Variants in SRRM3 observed in about 807,000 individuals in gnomAD.
SRRM3 encodes serine/arginine repetitive matrix 3.
A neutral mutation model predicts 66.2 loss-of-function variants in SRRM3; 27 were observed. The ratio of observed to expected loss-of-function variants is 0.41; its 90% CI spans 0.30 to 0.56. The LOEUF is 0.56. Among genes scored for constraint, SRRM3 ranks in the 20% least tolerant of loss-of-function variants. The pLI is 0.32. For missense variants in SRRM3, 918 were observed against 991.9 expected, an observed-to-expected ratio of 0.93 and a Z score of 1.00; for synonymous variants, 391 against 414.9, an observed-to-expected ratio of 0.94 and a Z score of 0.70.
chr7:76,204,698 C>T (rs921734293), intron 1 of SRRM3, among the ~76,000 whole-genome samples: 1 of 152,184 alleles, frequency 6.6e-6, no homozygotes, highest in Non-Finnish European at 1.5e-5. Flanking sequence ...CTTTCTGGCC[C>T]TATCTCTGAT....
chr7:76,234,792 T>A (rs1554604592), intron 1 of SRRM3, among the ~76,000 whole-genome samples: 1 of 152,080 alleles, frequency 6.6e-6, no homozygotes, highest in Non-Finnish European at 1.5e-5. Flanking sequence ...GGCCATCCAG[T>A]CTGGCCTGCA....
chr7:76,216,686 G>A (rs1269323190), intron 1 of SRRM3, among the ~76,000 whole-genome samples: 1 of 152,234 alleles, frequency 6.6e-6, no homozygotes, highest in Middle Eastern at 3.2e-3. Context: ...GGGGAGGAGA[G>A]GTTCCCAGGT....
chr7:76,265,299 TG>T, intron 9 of SRRM3, 64 bp from the exon 10 acceptor site: 1 of 1,264,430 alleles, frequency 7.9e-7, no homozygotes, highest in Non-Finnish European at 1.1e-6. Flanking sequence ...CTGGGCAACT[TG>T]GGGGCTGGGG....
intron 5 of SRRM3, 81 bp downstream of exon 5, chr7:76,260,278 A>C (rs1358562404): frequency 4.1e-5 from 45 of 1,086,986 alleles, no homozygotes; most frequent in Non-Finnish European, 5.3e-5. Context: ...GCTCACAACC[A>C]TGCAGCATTT....
At position 76,212,829 on chromosome 7, in the gene SRRM3, C is replaced by T. The variant is rs1028549575; in HGVS notation, c.-40+10762C>T. Among the ~76,000 whole-genome samples, 4 of 152,064 alleles carry T rather than the reference C, an allele frequency of 2.6e-5. No homozygotes were observed. The South Asian group carries it at 6.2e-4, about 24-fold the overall frequency. On this transcript the variant is annotated intron_variant, in intron 1 of 14. Transcript: ENST00000611745. ...TACACACTAGAGTTGAGAACCGGTG[C>T]CTCATCACTTTGCACATGTGGTTCC...
intron 1 of SRRM3, among the ~76,000 whole-genome samples, chr7:76,228,903 T>A (rs1447435903): frequency 6.9e-6 from 1 of 144,698 alleles, no homozygotes; most frequent in Admixed American, 6.8e-5. Context: ...CCCAGAGACT[T>A]TTTTTTTTTT....
chr7:76,219,911 AAAAC>A (rs376343762), intron 1 of SRRM3, among the ~76,000 whole-genome samples: 132 of 152,222 alleles, frequency 8.7e-4, no homozygotes, highest in African/African-American at 2.4e-3. Flanking sequence ...TACTGTCTCA[AAAAC>A]AAACAAACAA....
At chr7:76,229,977 C>T (rs1196871116) in intron 1 of SRRM3, among the ~76,000 whole-genome samples, 2 of 152,044 alleles carry the variant, frequency 1.3e-5, no homozygotes, top group African/African-American at 4.8e-5. Flanking sequence ...CTCCTGACCT[C>T]ATGATCTGCC....
Position 76,204,551 on chromosome 7 carries a change from C to T in SRRM3, c.-40+2484C>T, listed in dbSNP as rs1293610480. Among the ~76,000 whole-genome samples, 7 of 152,322 alleles carry T rather than the reference C, an allele frequency of 4.6e-5. No homozygotes were observed. The East Asian group carries it at 1.2e-3, about 25-fold the overall frequency. ...CAGGACCCCAGGATGACTTCCACAA[C>T]ACCACTCTGCCCCCGATTCTCCAGG... On this transcript the variant is annotated intron_variant, in intron 1 of 14. Coordinates refer to ENST00000611745, the MANE Select transcript of SRRM3 (RefSeq NM_001110199.3).
At chr7:76,260,091 C>T in intron 4 of SRRM3, 26 bp from the exon 5 acceptor site, 2 of 1,288,132 alleles carry the variant, frequency 1.6e-6, no homozygotes, top group Non-Finnish European at 2.0e-6. Context: ...CCCTCACCGC[C>T]CCCACCCCCG....
chr7:76,282,525 A>C, intron 12 of SRRM3, 123 bp from the exon 13 acceptor site: 2 of 513,928 alleles, frequency 3.9e-6, no homozygotes, highest in Non-Finnish European at 6.3e-6. Flanking sequence ...ACTCCGCGCG[A>C]ACTGACCACA....
intron 1 of SRRM3, among the ~76,000 whole-genome samples, chr7:76,231,535 G>A (rs1478944797): frequency 3.3e-5 from 5 of 152,242 alleles, no homozygotes; most frequent in African/African-American, 7.2e-5. Context: ...AAGATGTGCG[G>A]AACAGCATGG....
chr7:76,261,633 C>A, intron 8 of SRRM3, 52 bp downstream of exon 8: 1 of 1,574,724 alleles, frequency 6.4e-7, no homozygotes, highest in Admixed American at 1.8e-5. Context: ...AGGACCAAAG[C>A]CCAAAGGACG....
At chr7:76,211,806 A>G (rs924766413) in intron 1 of SRRM3, among the ~76,000 whole-genome samples, 9 of 140,252 alleles carry the variant, frequency 6.4e-5, no homozygotes, top group African/African-American at 2.5e-4. Context: ...TATTATTATT[A>G]CTATTACTAC....
chr7:76,254,402 T>C (rs903952944), intron 3 of SRRM3, among the ~76,000 whole-genome samples: 1 of 152,160 alleles, frequency 6.6e-6, no homozygotes, highest in Non-Finnish European at 1.5e-5. Context: ...CACTGCAACC[T>C]CCGCCTCCCA....
At chr7:76,208,505 C>CA (rs112442379) in intron 1 of SRRM3, among the ~76,000 whole-genome samples, 211 of 133,490 alleles carry the variant, frequency 1.6e-3, no homozygotes, top group Middle Eastern at 3.6e-3. Context: ...CCTATCTCTA[C>CA]AAAAAAAAAA....
At chr7:76,215,728 A>G (rs1563608133) in intron 1 of SRRM3, among the ~76,000 whole-genome samples, 1 of 148,178 alleles carries the variant, frequency 6.7e-6, no homozygotes, top group African/African-American at 2.5e-5. Context: ...CCCAGGTTCA[A>G]ATGTTCTCCT....
chr7:76,215,595 A>G (rs1554602432), intron 1 of SRRM3, among the ~76,000 whole-genome samples: 1 of 145,524 alleles, frequency 6.9e-6, no homozygotes, highest in Non-Finnish European at 1.5e-5. Context: ...TTTTGTGTAG[A>G]GTCAGGGTCT....
At chr7:76,259,836 C>CT in intron 3 of SRRM3, 70 bp from the exon 4 acceptor site, 1 of 1,594,518 alleles carries the variant, frequency 6.3e-7, no homozygotes, top group Non-Finnish European at 8.5e-7. Context: ...AGGTCAGGCC[C>CT]CCTGCGCCGA....
Sources: allele counts gnomAD v4.1 joint callset (sites outside exome capture counted in the v4.1 genomes callset), GRCh38; gene constraint gnomAD v4.1.1; transcripts MANE v1.5; gene names NCBI Gene and HGNC (gene_info 2026-07-23, HGNC 2026-07-21).